Variants in NCKAP5 observed in about 807,000 individuals in gnomAD.
NCKAP5 encodes NCK associated protein 5, also known as nck-associated protein 5.
A neutral mutation model predicts 167.0 loss-of-function variants in NCKAP5; 92 were observed. The ratio of observed to expected loss-of-function variants is 0.55; its 90% CI spans 0.47 to 0.66. NCKAP5 has a LOEUF of 0.66. NCKAP5 is among the 30% of genes least tolerant of loss of function. The probability of loss-of-function intolerance (pLI) is 0.00; values close to 1 mark genes in which losing one functional copy is unlikely to be tolerated. For synonymous variants in NCKAP5, 891 were observed against 877.4 expected (o/e 1.02, Z -0.27); for missense variants, 2,378 against 2,315.0 (o/e 1.03, Z -0.56).
the NCKAP5 span, among the ~76,000 whole-genome samples, chr2:133,615,563 CA>C: frequency 6.6e-6 from 1 of 152,192 alleles, no homozygotes; most frequent in South Asian, 2.1e-4. Flanking sequence ...AAGGCCATTA[CA>C]TAATGGTAAA....
chr2:133,508,098 G>A (rs62177729), intron 3 of NCKAP5, among the ~76,000 whole-genome samples: 259 of 152,292 alleles, frequency 1.7e-3, no homozygotes, highest in Non-Finnish European at 3.0e-3. Context: ...GGAGTCAGGA[G>A]GGGTGGTCAG....
chr2:133,406,405 C>T (rs1374688110), intron 3 of NCKAP5, among the ~76,000 whole-genome samples: 2 of 152,098 alleles, frequency 1.3e-5, no homozygotes, highest in Non-Finnish European at 2.9e-5. Flanking sequence ...AGTCTCTGAA[C>T]TGCAGTAGGT....
intron 6 of NCKAP5, among the ~76,000 whole-genome samples, chr2:133,017,316 C>A (rs1232784498): frequency 2.6e-5 from 4 of 152,132 alleles, no homozygotes; most frequent in African/African-American, 9.7e-5. Flanking sequence ...TTTGGGAAAC[C>A]CTTGGGTATG....
intron 3 of NCKAP5, among the ~76,000 whole-genome samples, chr2:133,481,156 T>C (rs559287721): frequency 6.6e-6 from 1 of 152,188 alleles, no homozygotes; most frequent in African/African-American, 2.4e-5. Context: ...TTCTGAAACA[T>C]CTGACAGTAT....
intron 2 of NCKAP5, among the ~76,000 whole-genome samples, chr2:133,547,798 G>A (rs1686876081): frequency 6.7e-6 from 1 of 148,920 alleles, no homozygotes; most frequent in African/African-American, 2.5e-5. Flanking sequence ...CAGAAAAACT[G>A]GAAACTCTAA....
At chr2:133,009,004 T>A (rs1466140210) in intron 6 of NCKAP5, among the ~76,000 whole-genome samples, 1 of 152,158 alleles carries the variant, frequency 6.6e-6, no homozygotes, top group East Asian at 1.9e-4. Flanking sequence ...TCTCCTGTAT[T>A]CCTGACAATT....
chr2:133,608,691 G>A, the NCKAP5 span, among the ~76,000 whole-genome samples: 1 of 152,190 alleles, frequency 6.6e-6, no homozygotes, highest in African/African-American at 2.4e-5. Context: ...ATAGAGGCGA[G>A]TGTAAAATAT....
chr2:133,553,005 A>G (rs1687473738), intron 2 of NCKAP5, among the ~76,000 whole-genome samples: 1 of 152,190 alleles, frequency 6.6e-6, no homozygotes, highest in Non-Finnish European at 1.5e-5. Flanking sequence ...ATTCATGCAC[A>G]TTAAAATATT....
intron 5 of NCKAP5, among the ~76,000 whole-genome samples, chr2:133,141,314 T>G (rs1167475231): frequency 6.6e-6 from 1 of 151,782 alleles, no homozygotes; most frequent in African/African-American, 2.4e-5. Flanking sequence ...TGTGCAGGAG[T>G]TTCCAAACAA....
chr2:132,784,936 T>C lies in NCKAP5; in HGVS notation c.1875A>G (p.Lys625=), dbSNP rs771116757. Residue 625 remains lysine, a synonymous_variant, in exon 14 of 20, where the codon AAA becomes AAG. Transcript: ENST00000409261. The part of the protein sequence containing the change: ...ENLDVLVGFG[K]SLCGSPEEEE... ...CCTCTTCAGGAGACCCACATAGAGA[T>C]TTTCCAAACCCCACAAGGACATCCA... The C allele has an allele frequency of 6.3e-7, 1 of 1,598,922 alleles. No homozygotes were observed. The highest frequency in any genetic ancestry group is 8.5e-7 in the Non-Finnish European group (1 of 1,172,302).
chr2:133,291,839 A>G (rs1023044891), intron 4 of NCKAP5, among the ~76,000 whole-genome samples: 26 of 152,214 alleles, frequency 1.7e-4, no homozygotes, highest in Non-Finnish European at 1.2e-4. Flanking sequence ...CCATTAACCT[A>G]TTCCTGATTC....
chr2:133,546,900 A>G (rs561759020), intron 2 of NCKAP5, among the ~76,000 whole-genome samples: 1 of 152,136 alleles, frequency 6.6e-6, no homozygotes. Flanking sequence ...AGGAACAGCT[A>G]CGGTCTACAG....
chr2:133,471,670 A>G (rs769745263), intron 3 of NCKAP5, among the ~76,000 whole-genome samples: 1 of 152,072 alleles, frequency 6.6e-6, no homozygotes, highest in African/African-American at 2.4e-5. Flanking sequence ...CACAGTTAAC[A>G]TGGCTTCCTC....
At chr2:133,439,402 CT>C (rs1465110119) in intron 3 of NCKAP5, among the ~76,000 whole-genome samples, 2 of 152,156 alleles carry the variant, frequency 1.3e-5, no homozygotes, top group East Asian at 3.9e-4. Context: ...ATTAACAAAG[CT>C]TGAAAAAGAT....
intron 2 of NCKAP5, among the ~76,000 whole-genome samples, chr2:133,549,286 T>A (rs116612004): frequency 0.019 from 2,930 of 151,830 alleles, 105 homozygotes; most frequent in African/African-American, 0.068. Flanking sequence ...AATGGCAGAC[T>A]ATACATTTTT....
chr2:133,137,451 T>TGTGTGTGTGTGTGTG (rs1559179692), intron 5 of NCKAP5, among the ~76,000 whole-genome samples: 13 of 141,560 alleles, frequency 9.2e-5, no homozygotes, highest in South Asian at 2.3e-4. Context: ...TGTGTGTGTG[T>TGTGTGTGTGTGTGTG]TTTGGAAAAG....
intron 16 of NCKAP5, among the ~76,000 whole-genome samples, chr2:132,754,119 C>T (rs1680339528): frequency 6.6e-6 from 1 of 152,158 alleles, no homozygotes; most frequent in Non-Finnish European, 1.5e-5. Flanking sequence ...GAAATTCTAA[C>T]AGCTTTTGAG....
Position 132,690,950 on chromosome 2 carries a change from A to G in NCKAP5, c.5714-17645T>C, listed in dbSNP as rs150533947. On this transcript the variant is annotated intron_variant, in intron 19 of 19. Transcript: ENST00000409261. ...TAATGTCACTCTGCCATTTCCCTCC[A>G]TCCTTAAAGAGGGTGGTGACTTCCT... Among the ~76,000 whole-genome samples the G allele has an allele frequency of 4.8e-3, 733 of 152,132 alleles. 4 individuals are homozygous for G. The highest frequency in any genetic ancestry group is 0.017 in the African/African-American group (699 of 41,488).
intron 4 of NCKAP5, among the ~76,000 whole-genome samples, chr2:133,241,930 C>T (rs531371878): frequency 1.3e-5 from 2 of 151,992 alleles, no homozygotes; most frequent in Admixed American, 6.6e-5. Context: ...CCAGCCTGGC[C>T]AACATGGTAA....
Sources: allele counts gnomAD v4.1 joint callset (sites outside exome capture counted in the v4.1 genomes callset), GRCh38; gene constraint gnomAD v4.1.1; transcripts MANE v1.5; gene names NCBI Gene and HGNC (gene_info 2026-07-23, HGNC 2026-07-21).